Variants in KATNBL1 observed in about 807,000 individuals in gnomAD.
KATNBL1 encodes katanin regulatory subunit B1 like 1, also known as KATNB1-like protein 1.
KATNBL1 carries 28 observed loss-of-function variants against 44.7 expected under a neutral mutation model. The observed-to-expected ratio is 0.63, with a 90% CI of 0.46 to 0.86. The LOEUF (loss-of-function observed/expected upper bound fraction) is 0.86, where lower values mean the gene tolerates loss of function less well. Among genes scored for constraint, KATNBL1 ranks in the 40% least tolerant of loss-of-function variants. The pLI, the probability that KATNBL1 is intolerant of heterozygous loss-of-function variation, is 0.00. For synonymous variants in KATNBL1, 78 were observed against 114.9 expected, an observed-to-expected ratio of 0.68 and a Z score of 2.06; for missense variants, 272 against 350.7, an observed-to-expected ratio of 0.78 and a Z score of 1.79.
intron 2 of KATNBL1, among the ~76,000 whole-genome samples, chr15:34,162,226 G>A (rs1268582545): frequency 2.0e-5 from 3 of 152,146 alleles, no homozygotes; most frequent in African/African-American, 7.2e-5. Context: ...TGTTGTGGGA[G>A]GGACTCAGTG....
At position 34,142,194 on chromosome 15, in the gene KATNBL1, G is replaced by T; in HGVS notation, c.*145C>A. 1.4e-6 allele frequency: 1 copy of T among 710,892 alleles called. No individual in the cohort carries two copies. The highest frequency in any genetic ancestry group is 2.1e-6 in the Non-Finnish European group (1 of 484,260). 44.0% of individuals were successfully genotyped at this position (710,892 alleles called of 1,614,324 possible). A position where few individuals can be genotyped will look rare whatever the true frequency, so the allele number is the denominator to read the frequency against. On this transcript the variant is annotated 3_prime_UTR_variant, in exon 10 of 10. Transcript: ENST00000256544. ...GCAGATTGCTGGGATTTCATTAGTGGTTTCATTACGTGGCTTTTTAAAAGA... is the reference window on the plus strand; with the variant it reads ...GCAGATTGCTGGGATTTCATTAGTGTTTTCATTACGTGGCTTTTTAAAAGA...
At chr15:34,144,344 T>C (rs1310494334) in intron 9 of KATNBL1, among the ~76,000 whole-genome samples, 1 of 151,862 alleles carries the variant, frequency 6.6e-6, no homozygotes, top group Non-Finnish European at 1.5e-5. Context: ...TTTTTCCCCC[T>C]GAATTCTAAG....
At chr15:34,188,944 T>C (rs1333944512) in intron 1 of KATNBL1, among the ~76,000 whole-genome samples, 1 of 152,258 alleles carries the variant, frequency 6.6e-6, no homozygotes, top group Non-Finnish European at 1.5e-5. Flanking sequence ...TTGGTTACTT[T>C]TGTGGCATAC....
chr15:34,150,692 ATTAT>A (rs888820536), intron 4 of KATNBL1, among the ~76,000 whole-genome samples: 9 of 152,342 alleles, frequency 5.9e-5, no homozygotes, highest in African/African-American at 1.7e-4. Flanking sequence ...TGGTGTACAG[ATTAT>A]TTCATCACAC....
chr15:34,175,948 CAAAG>C (rs1053635727), intron 1 of KATNBL1, among the ~76,000 whole-genome samples: 2 of 152,060 alleles, frequency 1.3e-5, no homozygotes, highest in African/African-American at 4.8e-5. Flanking sequence ...TATGTCCTGA[CAAAG>C]ATATGTATGC....
chr15:34,168,201 G>A (rs1005201898), intron 1 of KATNBL1, among the ~76,000 whole-genome samples: 6 of 152,066 alleles, frequency 3.9e-5, no homozygotes, highest in Non-Finnish European at 8.8e-5. Flanking sequence ...CCCATCTCAC[G>A]TGCAAAGATA....
chr15:34,205,972 T>C (rs1890284390), intron 1 of KATNBL1, among the ~76,000 whole-genome samples: 1 of 152,132 alleles, frequency 6.6e-6, no homozygotes. Flanking sequence ...TAAAAGACTA[T>C]CCAGAGGCCT....
intron 1 of KATNBL1, among the ~76,000 whole-genome samples, chr15:34,183,864 G>A (rs898001796): frequency 6.6e-6 from 1 of 152,186 alleles, no homozygotes; most frequent in South Asian, 2.1e-4. Flanking sequence ...AAGCAGAGGG[G>A]AAAAGGTAGA....
chr15:34,175,474 C>T (rs996989088), intron 1 of KATNBL1, among the ~76,000 whole-genome samples: 6 of 152,126 alleles, frequency 3.9e-5, no homozygotes, highest in African/African-American at 4.8e-5. Flanking sequence ...TAGATGACAA[C>T]GTACATAGTC....
intron 1 of KATNBL1, among the ~76,000 whole-genome samples, chr15:34,175,251 T>C (rs1044236823): frequency 7.2e-5 from 11 of 152,062 alleles, no homozygotes; most frequent in African/African-American, 2.4e-4. Context: ...CTTTTATTTT[T>C]TCAGATTTTG....
rs12900470 is a variant in KATNBL1, at chr15:34,181,713, G to C, written c.-14-18023C>G. ...GTCCATATATATATCCATATATATG[G>C]ACATATATATGTCCATATATACACA... is the stretch of plus-strand genomic sequence containing the variant. On this transcript the variant is annotated intron_variant, in intron 1 of 9. Transcript: ENST00000256544. Among the ~76,000 whole-genome samples, 28 of 9,482 alleles carry C rather than the reference G, an allele frequency of 3.0e-3. 7 individuals are homozygous for C. Among genetic ancestry groups the C allele is most frequent in the African/African-American group, 7.6e-3 (17 of 2,244 alleles). The allele number at this position is 9,482 out of a possible 152,430, so 6.2% of individuals were successfully genotyped here. A position where few individuals can be genotyped will look rare whatever the true frequency, so the allele number is the denominator to read the frequency against.
intron 1 of KATNBL1, among the ~76,000 whole-genome samples, chr15:34,164,342 C>G (rs1405316344): frequency 6.7e-6 from 1 of 149,446 alleles, no homozygotes; most frequent in Non-Finnish European, 1.5e-5. Context: ...GTGGTGGTAT[C>G]TATGACATCC....
intron 2 of KATNBL1, among the ~76,000 whole-genome samples, chr15:34,155,585 C>A (rs1888613946): frequency 6.6e-6 from 1 of 152,128 alleles, no homozygotes; most frequent in Non-Finnish European, 1.5e-5. Flanking sequence ...CCTTGCAATG[C>A]CTTTGTTATA....
Position 34,169,411 on chromosome 15 carries a change from A to G in KATNBL1, c.-14-5721T>C, listed in dbSNP as rs561878538. ...CCAGGAAGAAGTTCAATTGCTGAAT[A>G]GACCAATAACAGGCTCTGAAATTGA... On this transcript the variant is annotated intron_variant, in intron 1 of 9. Transcript: ENST00000256544. 2.0e-5 allele frequency among the ~76,000 whole-genome samples: 3 copies of G among 152,358 alleles called. No homozygotes were observed. The East Asian group carries it at 5.8e-4, about 29-fold the overall frequency.
chr15:34,202,969 C>A (rs568444190), intron 1 of KATNBL1, among the ~76,000 whole-genome samples: 1 of 151,888 alleles, frequency 6.6e-6, no homozygotes, highest in Admixed American at 6.6e-5. Context: ...CCAGCCTGGG[C>A]GACAGCAAGA....
At chr15:34,206,123 C>T (rs530883598) in intron 1 of KATNBL1, among the ~76,000 whole-genome samples, 12 of 152,260 alleles carry the variant, frequency 7.9e-5, no homozygotes, top group African/African-American at 2.4e-4. Flanking sequence ...CTTAGCGTTG[C>T]GACTTACAGT....
intron 1 of KATNBL1, among the ~76,000 whole-genome samples, chr15:34,179,038 T>C (rs1889431892): frequency 6.6e-6 from 1 of 152,182 alleles, no homozygotes; most frequent in Non-Finnish European, 1.5e-5. Context: ...GTGCTTACAA[T>C]GGAATATTAA....
At chr15:34,142,869 G>A (rs543616123) in intron 9 of KATNBL1, 272 of 335,002 alleles carry the variant, frequency 8.1e-4, no homozygotes, top group Middle Eastern at 2.2e-3. Context: ...GCACCACCAC[G>A]CCCGGCTAAT....
chr15:34,150,024 T>A (rs1040778566), intron 4 of KATNBL1, among the ~76,000 whole-genome samples: 1 of 152,246 alleles, frequency 6.6e-6, no homozygotes, highest in Non-Finnish European at 1.5e-5. Context: ...TTTGTTAAAA[T>A]TAATTTTACA....
Sources: gnomAD v4.1 joint callset for allele counts (sites outside exome capture counted in the v4.1 genomes callset) on GRCh38, gnomAD v4.1.1 for gene constraint, MANE v1.5 for transcripts, NCBI Gene and HGNC (gene_info 2026-07-23, HGNC 2026-07-21) for gene names.